Variants in ALK observed in about 807,000 individuals in gnomAD.
ALK encodes the protein ALK tyrosine kinase receptor.
Under a neutral mutation model 163.1 loss-of-function variants are expected in ALK, and 74 were observed. The ratio of observed to expected loss-of-function variants is 0.45; its 90% confidence interval spans 0.38 to 0.55. ALK has a LOEUF of 0.55. Among genes scored for constraint, ALK ranks in the 20% least tolerant of loss-of-function variants. ALK has a pLI of 0.00. For missense variants in ALK, 2,063 were observed against 2,105.3 expected, an observed-to-expected ratio of 0.98 and a Z score of 0.39; for synonymous variants, 960 against 843.2, an observed-to-expected ratio of 1.14 and a Z score of -2.40.
chr2:29,320,684 G>C (rs1190610098), intron 7 of ALK, 67 bp downstream of exon 7: 49 of 1,607,762 alleles, frequency 3.0e-5, no homozygotes, highest in Non-Finnish European at 8.5e-6. Flanking sequence ...GTCCAGCCCT[G>C]AGTCTCCCAT....
rs989703528 is a variant in ALK, at chr2:29,378,722, C to G, written c.1282+5010G>C. On this transcript the variant is annotated intron_variant, in intron 5 of 28. Coordinates refer to ENST00000389048, the MANE Select transcript of ALK (RefSeq NM_004304.5). Reference sequence around the variant, plus strand: ...TCCTCCCCTCCCCTCCCCTCCCTCCCTCTCTTTCTTTTTGACAGAGTCTTG... The same window carrying G: ...TCCTCCCCTCCCCTCCCCTCCCTCCGTCTCTTTCTTTTTGACAGAGTCTTG... Among the ~76,000 whole-genome samples, 6 of 151,870 alleles carry G rather than the reference C, an allele frequency of 4.0e-5. No individual in the cohort carries two copies. In the South Asian group the frequency reaches 1.3e-3, roughly 32 times the overall value.
At chr2:29,545,909 A>G (rs576750443) in intron 3 of ALK, among the ~76,000 whole-genome samples, 7 of 152,328 alleles carry the variant, frequency 4.6e-5, no homozygotes, top group Non-Finnish European at 7.4e-5. Context: ...AATTTGCACA[A>G]TTAGGAGCCT....
intron 1 of ALK, among the ~76,000 whole-genome samples, chr2:29,815,787 A>C (rs1664880631): frequency 6.6e-6 from 1 of 152,100 alleles, no homozygotes; most frequent in Admixed American, 6.5e-5. Context: ...TGCGCCCCTG[A>C]GACACTGACC....
chr2:29,862,322 G>C lies in ALK; in HGVS notation c.667+57671C>G, dbSNP rs544904201. On this transcript the variant is annotated intron_variant, in intron 1 of 28. Coordinates refer to ENST00000389048, the MANE Select transcript of ALK (RefSeq NM_004304.5). ...CAAGGGAAGTGAAAGAAAGGGAAGG[G>C]AAAGGGTCTGAACAGGAAAAAAATA... is the stretch of plus-strand genomic sequence containing the variant. Among the ~76,000 whole-genome samples the C allele has an allele frequency of 2.0e-5, 3 of 152,264 alleles. No individual in the cohort carries two copies. In the South Asian group the frequency reaches 6.2e-4, roughly 32 times the overall value.
At chr2:29,750,319 T>C (rs1405007900) in intron 1 of ALK, among the ~76,000 whole-genome samples, 5 of 152,122 alleles carry the variant, frequency 3.3e-5, no homozygotes, top group African/African-American at 4.8e-5. Context: ...CTGAATACTG[T>C]AGACAACTGT....
At chr2:29,554,956 A>G (rs753549523) in intron 3 of ALK, among the ~76,000 whole-genome samples, 1 of 152,214 alleles carries the variant, frequency 6.6e-6, no homozygotes, top group South Asian at 2.1e-4. Context: ...GGGCAACATC[A>G]GGAAGTTACC....
At chr2:29,347,019 A>C (rs1043492681) in intron 5 of ALK, among the ~76,000 whole-genome samples, 1 of 152,066 alleles carries the variant, frequency 6.6e-6, no homozygotes, top group Non-Finnish European at 1.5e-5. Flanking sequence ...AAGAGCAGCG[A>C]CTCAGAATAA....
At chr2:29,367,535 G>C (rs1190220910) in intron 5 of ALK, among the ~76,000 whole-genome samples, 2 of 152,160 alleles carry the variant, frequency 1.3e-5, no homozygotes, top group Admixed American at 6.5e-5. Context: ...GAAACCCCAG[G>C]GGGCAAGAGA....
intron 4 of ALK, among the ~76,000 whole-genome samples, chr2:29,407,022 T>G (rs1189728284): frequency 1.3e-5 from 2 of 152,228 alleles, no homozygotes; most frequent in African/African-American, 4.8e-5. Flanking sequence ...TTTGTCCATG[T>G]ATCAGCTGTC....
intron 1 of ALK, among the ~76,000 whole-genome samples, chr2:29,762,518 GA>G (rs1680736820): frequency 6.6e-6 from 1 of 152,208 alleles, no homozygotes; most frequent in Non-Finnish European, 1.5e-5. Context: ...CATCTGACAA[GA>G]GGAAATCATT....
chr2:29,895,791 G>T (rs1468375592), intron 1 of ALK, among the ~76,000 whole-genome samples: 2 of 152,126 alleles, frequency 1.3e-5, no homozygotes, highest in Non-Finnish European at 2.9e-5. Context: ...TGCTCTCCTA[G>T]GTCATTTCTT....
chr2:29,677,277 T>G (rs1188574113), intron 3 of ALK, among the ~76,000 whole-genome samples: 1 of 44,888 alleles, frequency 2.2e-5, no homozygotes, highest in Non-Finnish European at 4.4e-5. Context: ...TCCCCTCCCA[T>G]CCCCTCCCCT....
At chr2:29,638,301 A>C (rs1676603163) in intron 3 of ALK, among the ~76,000 whole-genome samples, 3 of 152,214 alleles carry the variant, frequency 2.0e-5, no homozygotes, top group African/African-American at 4.8e-5. Context: ...ATGACTGTAC[A>C]TCAACACATA....
chr2:29,457,880 A>T (rs999638012), intron 4 of ALK, among the ~76,000 whole-genome samples: 1 of 152,144 alleles, frequency 6.6e-6, no homozygotes, highest in African/African-American at 2.4e-5. Flanking sequence ...TACTAAAACA[A>T]AAAAATCCTT....
chr2:29,455,500 A>G (rs1055936195), intron 4 of ALK, among the ~76,000 whole-genome samples: 1 of 152,078 alleles, frequency 6.6e-6, no homozygotes, highest in African/African-American at 2.4e-5. Context: ...CAACCTCACA[A>G]TCCTCTCTTT....
chr2:29,317,000 G>A (rs1157037183), intron 8 of ALK, among the ~76,000 whole-genome samples: 21 of 151,998 alleles, frequency 1.4e-4, no homozygotes, highest in Admixed American at 1.3e-3. Context: ...ACCACTCCTC[G>A]GATTAAAAAA....
At chr2:29,853,644 G>A (rs2148402358) in intron 1 of ALK, among the ~76,000 whole-genome samples, 1 of 152,228 alleles carries the variant, frequency 6.6e-6, no homozygotes, top group East Asian at 1.9e-4. Context: ...TTCAGATCAT[G>A]CCATCTGCCA....
intron 4 of ALK, among the ~76,000 whole-genome samples, chr2:29,490,128 G>A (rs1671867246): frequency 1.3e-5 from 2 of 152,242 alleles, no homozygotes; most frequent in Admixed American, 6.5e-5. Context: ...CAGCGAGTAT[G>A]CCTTGATGCT....
chr2:29,670,109 T>G (rs1442223176), intron 3 of ALK, among the ~76,000 whole-genome samples: 3 of 152,126 alleles, frequency 2.0e-5, no homozygotes, highest in Admixed American at 2.0e-4. Flanking sequence ...TACCAGTGGG[T>G]TTTTCACTTT....
Sources: gnomAD v4.1 joint callset for allele counts (sites outside exome capture counted in the v4.1 genomes callset) on GRCh38, gnomAD v4.1.1 for gene constraint, MANE v1.5 for transcripts, NCBI Gene and HGNC (gene_info 2026-07-23, HGNC 2026-07-21) for gene names.